Variants in PPEF1 observed in about 807,000 individuals in gnomAD.
PPEF1 encodes the protein serine/threonine-protein phosphatase with EF-hands 1.
PPEF1 carries 12 observed loss-of-function variants against 53.3 expected under a neutral mutation model. The ratio of observed to expected loss-of-function variants is 0.23; its 90% CI spans 0.14 to 0.36. The LOEUF (loss-of-function observed/expected upper bound fraction) is 0.36. Ranked by LOEUF, PPEF1 falls within the 10% of genes least tolerant of loss-of-function variation. The pLI, the probability that PPEF1 is intolerant of heterozygous loss-of-function variation, is 1.00. For synonymous variants in PPEF1, 165 were observed against 176.7 expected, an observed-to-expected ratio of 0.93 and a Z score of 0.52; for missense variants, 334 against 490.4, an observed-to-expected ratio of 0.68 and a Z score of 3.01.
chrX:18,714,792 C>T (rs1250863627), intron 1 of PPEF1, among the ~76,000 whole-genome samples: 1 of 112,130 alleles, frequency 8.9e-6, no homozygotes, highest in African/African-American at 3.2e-5. Flanking sequence ...TACGTTTGAT[C>T]CTCACAGCCT....
chrX:18,702,444 G>A (rs767406313), intron 6 of PPEF1, among the ~76,000 whole-genome samples: 1 of 106,394 alleles, frequency 9.4e-6, no homozygotes, highest in African/African-American at 3.4e-5. Flanking sequence ...CTACGAAACT[G>A]ACATCTAGAA....
chrX:18,709,526 C>G (rs1219571230), intron 1 of PPEF1, among the ~76,000 whole-genome samples: 4 of 95,165 alleles, frequency 4.2e-5, no homozygotes, highest in Non-Finnish European at 7.9e-5. Flanking sequence ...TTGAGACAGT[C>G]TTGCTCTGTC....
At position 18,778,908 on chromosome X, in the gene PPEF1, C is replaced by G. The variant is rs147019715; in HGVS notation, c.559-102C>G. On this transcript the variant is annotated intron_variant, in intron 6 of 15. Transcript: ENST00000470157. ...TTTTTCCCGGTGGAAGAACCTGACT[C>G]AGCCTCTTTTTTCCATATTAACAGG... 4.8e-3 allele frequency: 3,977 copies of G among 834,940 alleles called. 102 individuals carry two copies. The African/African-American group carries it at 0.071, about 15-fold the overall frequency. 68.8% of individuals were successfully genotyped at this position (834,940 alleles called of 1,213,427 possible).
rs764954046 is a variant in PPEF1, at chrX:18,782,354, A to ATT, written c.726-4_726-3dup. The stretch of plus-strand genomic sequence containing the variant: ...TCAACAATCAAATCATTTAAATCCC[A>ATT]TTTTTTTTTAGGTATGGCTTCACGA... On this transcript the variant is annotated splice_polypyrimidine_tract_variant and intron_variant, in intron 7 of 15. Coordinates refer to ENST00000470157, the MANE Select transcript of PPEF1 (RefSeq NM_001377996.1). The ATT allele has an allele frequency of 8.9e-6, 10 of 1,126,209 alleles. No homozygotes were observed. The highest frequency in any genetic ancestry group is 2.5e-5 in the Admixed American group (1 of 40,154). The allele number at this position is 1,126,209 out of a possible 1,213,427, so 92.8% of individuals were successfully genotyped here.
At chrX:18,758,501 T>C (rs2045594948) in intron 5 of PPEF1, among the ~76,000 whole-genome samples, 1 of 111,905 alleles carries the variant, frequency 8.9e-6, no homozygotes, top group African/African-American at 3.2e-5. Flanking sequence ...ATTAAACTAT[T>C]TGCATTTCTA....
chrX:18,734,438 T>A (rs971092460), intron 3 of PPEF1, among the ~76,000 whole-genome samples: 2 of 110,362 alleles, frequency 1.8e-5, no homozygotes, highest in African/African-American at 6.6e-5. Context: ...TTCATCCATG[T>A]CCCTACAAAG....
intron 13 of PPEF1, among the ~76,000 whole-genome samples, chrX:18,823,331 T>TA (rs1311804249): frequency 8.9e-6 from 1 of 111,828 alleles, no homozygotes; most frequent in Non-Finnish European, 1.9e-5. Flanking sequence ...TCTTCTATAA[T>TA]AAGCAAACCT....
chrX:18,803,924 C>T lies in PPEF1; in HGVS notation c.1098C>T (p.Gly366=). ...ATATTCTGTGGAGTGATCCCAGAGGCAAAAATGGCTGTTTTCCAAATACGT... is the reference window on the plus strand; with the variant it reads ...ATATTCTGTGGAGTGATCCCAGAGGTAAAAATGGCTGTTTTCCAAATACGT... ...IIDILWSDPR[G]KNGCFPNTCR... is the part of the protein sequence containing the mutation. The change falls in exon 11 of 16, where the codon GGC becomes GGT. Residue 366 remains glycine (G), a synonymous_variant. Coordinates refer to ENST00000470157, the MANE Select transcript of PPEF1 (RefSeq NM_001377996.1). 8.3e-7 allele frequency: 1 copy of T among 1,208,779 alleles called. No homozygotes were observed. Among genetic ancestry groups the T allele is most frequent in the Non-Finnish European group, 1.1e-6 (1 of 894,127 alleles).
At position 18,707,748 on chromosome X, in the gene PPEF1, A is replaced by T; in HGVS notation, c.-33A>T. Reference sequence around the variant, plus strand: ...CACTCTGTCTTAAAATCAGAAGTTGAATTCATGAACACATATGATTTAGAT... The same window carrying T: ...CACTCTGTCTTAAAATCAGAAGTTGTATTCATGAACACATATGATTTAGAT... On this transcript the variant is annotated 5_prime_UTR_variant, in exon 1 of 16. Coordinates refer to ENST00000470157, the MANE Select transcript of PPEF1 (RefSeq NM_001377996.1). 4.2e-6 allele frequency: 5 copies of T among 1,191,796 alleles called. No individual in the cohort carries two copies. The highest frequency in any genetic ancestry group is 5.7e-6 in the Non-Finnish European group (5 of 878,933).
chrX:18,778,403 C>G (rs1415134622), intron 6 of PPEF1, among the ~76,000 whole-genome samples: 1 of 111,532 alleles, frequency 9.0e-6, no homozygotes, highest in Non-Finnish European at 1.9e-5. Flanking sequence ...GGTCAGTGAT[C>G]ACTGAGAATA....
chrX:18,825,891 T>C (rs1383947232), intron 15 of PPEF1, 56 bp downstream of exon 15: 12 of 882,312 alleles, frequency 1.4e-5, no homozygotes, highest in Non-Finnish European at 8.0e-6. Context: ...GTGTGTATGT[T>C]GGGGATACAA....
chrX:18,706,952 C>T (rs1237163951), upstream of PPEF1, among the ~76,000 whole-genome samples: 1 of 104,700 alleles, frequency 9.6e-6, no homozygotes, highest in Admixed American at 1.0e-4. Flanking sequence ...CCTCAGCCTC[C>T]TGAGTAGCTG....
chrX:18,678,571 C>A (rs76840426), upstream of PPEF1, among the ~76,000 whole-genome samples: 1 of 112,103 alleles, frequency 8.9e-6, no homozygotes, highest in Non-Finnish European at 1.9e-5. Context: ...TTCTGTCCCC[C>A]CACTGGGACT....
chrX:18,772,375 T>C (rs2045889083), intron 6 of PPEF1, among the ~76,000 whole-genome samples: 2 of 111,772 alleles, frequency 1.8e-5, no homozygotes, highest in South Asian at 7.5e-4. Flanking sequence ...CTCTTATTTG[T>C]AATACACAAA....
chrX:18,822,865 G>A (rs777739497), intron 13 of PPEF1, among the ~76,000 whole-genome samples: 2 of 111,264 alleles, frequency 1.8e-5, no homozygotes, highest in African/African-American at 6.5e-5. Flanking sequence ...CCCAAGGTGG[G>A]GATTTTTCAG....
chrX:18,770,748 G>A (rs916795177), intron 6 of PPEF1, among the ~76,000 whole-genome samples: 5 of 112,087 alleles, frequency 4.5e-5, no homozygotes, highest in Non-Finnish European at 7.5e-5. Flanking sequence ...GGTTTAATTC[G>A]AGATAAGAAG....
intron 3 of PPEF1, among the ~76,000 whole-genome samples, chrX:18,690,338 C>G (rs1386864315): frequency 9.3e-6 from 1 of 107,286 alleles, no homozygotes; most frequent in Non-Finnish European, 1.9e-5. Flanking sequence ...AAAGAAAGCC[C>G]TGGATATTTT....
At chrX:18,677,184 C>T (rs1928709423) in intron 1 of PPEF1, among the ~76,000 whole-genome samples, 1 of 110,006 alleles carries the variant, frequency 9.1e-6, no homozygotes, top group East Asian at 2.9e-4. Context: ...TTACAGGCGC[C>T]CCCCCACCAT....
chrX:18,791,042 TTAACCATAATAAAA>T (rs1252588132), intron 10 of PPEF1, among the ~76,000 whole-genome samples: 1 of 111,878 alleles, frequency 8.9e-6, no homozygotes, highest in East Asian at 2.8e-4. Context: ...AAAAAATCAG[TTAACCATAATAAAA>T]GGGTTTATTT....
Sources: allele counts gnomAD v4.1 joint callset (sites outside exome capture counted in the v4.1 genomes callset), GRCh38; gene constraint gnomAD v4.1.1; transcripts MANE v1.5; gene names NCBI Gene and HGNC (gene_info 2026-07-23, HGNC 2026-07-21).